IGSF8: variants seen among roughly 807,000 people sequenced by gnomAD.
IGSF8 encodes the protein CD81 partner 3.
In IGSF8, 46 loss-of-function variants were observed where a neutral mutation model predicts 55.5. The observed-to-expected ratio is 0.83, with a 90% CI of 0.65 to 1.06. The LOEUF is 1.06. Among genes scored for constraint, IGSF8 ranks in the 50% least tolerant of loss-of-function variants. IGSF8 has a pLI of 0.00. For synonymous variants in IGSF8, 314 were observed against 356.1 expected (o/e 0.88, Z 1.33); for missense variants, 731 against 832.3 (o/e 0.88, Z 1.50).
chr1:160,096,309 G>T (rs375060814), intron 1 of IGSF8, among the ~76,000 whole-genome samples: 36 of 152,254 alleles, frequency 2.4e-4, no homozygotes, highest in African/African-American at 8.2e-4. Context: ...GAAAGGTAAG[G>T]CAGGAAAAGT....
rs1288619782 is a variant in IGSF8, at chr1:160,095,770, A to G, written c.65-524T>C. On this transcript the variant is annotated intron_variant, in intron 1 of 6. Coordinates refer to ENST00000314485, the MANE Select transcript of IGSF8 (RefSeq NM_052868.6). ...AATGGAGCCAGTGACCCTAGCTGGA[A>G]AGGGCACAGGCCCAGTCAGTTCTCA... Among the ~76,000 whole-genome samples the G allele has an allele frequency of 3.9e-5, 6 of 152,224 alleles. No homozygotes were observed. In the East Asian group the frequency reaches 9.6e-4, roughly 24 times the overall value.
At position 160,098,464 on chromosome 1, in the gene IGSF8, G is replaced by A; in HGVS notation, c.9C>T (p.Ala3=). Residue 3 remains alanine (A), a synonymous_variant, in exon 1 of 7, where the codon GCC becomes GCT. Coordinates refer to ENST00000314485, the MANE Select transcript of IGSF8 (RefSeq NM_052868.6). The part of the protein sequence containing the change: MG[A]LRPTLLPPSL... ...AAGGCGGCAGCAGCGTGGGCCTGAGGGCGCCCATCCTGCGCGGCCAGCTCT... is the reference window on the plus strand; with the variant it reads ...AAGGCGGCAGCAGCGTGGGCCTGAGAGCGCCCATCCTGCGCGGCCAGCTCT... 4.5e-6 allele frequency: 7 copies of A among 1,543,490 alleles called. No homozygotes were observed. Among genetic ancestry groups the A allele is most frequent in the Non-Finnish European group, 6.1e-6 (7 of 1,144,838 alleles).
chr1:160,098,475 T>C lies in IGSF8; in HGVS notation c.-3A>G, dbSNP rs1332396007. ...AGCGTGGGCCTGAGGGCGCCCATCCTGCGCGGCCAGCTCTGGGGAGGCTCC... is the reference window on the plus strand; with the variant it reads ...AGCGTGGGCCTGAGGGCGCCCATCCCGCGCGGCCAGCTCTGGGGAGGCTCC... On this transcript the variant is annotated 5_prime_UTR_variant, in exon 1 of 7. Transcript: ENST00000314485. 2 of 1,523,288 alleles carry C rather than the reference T, an allele frequency of 1.3e-6. No individual in the cohort carries two copies. The highest frequency in any genetic ancestry group is 4.0e-5 in the Admixed American group (2 of 49,974). The allele number at this position is 1,523,288 out of a possible 1,614,324, so 94.4% of individuals were successfully genotyped here.
Position 160,091,464 on chromosome 1 carries a change from G to A in IGSF8, c.*160C>T, listed in dbSNP as rs1570950223. ...CCAGAGGGAGGGGCTTGGGAGGGAAGGAGTGGGGAAGGGGAGGCACGTCTC... is the reference window on the plus strand; with the variant it reads ...CCAGAGGGAGGGGCTTGGGAGGGAAAGAGTGGGGAAGGGGAGGCACGTCTC... On this transcript the variant is annotated 3_prime_UTR_variant, in exon 7 of 7. Transcript: ENST00000314485. The A allele has an allele frequency of 4.0e-6, 1 of 249,636 alleles. No homozygotes were observed. The highest frequency in any genetic ancestry group is 2.2e-5 in the African/African-American group (1 of 44,762). 15.5% of individuals were successfully genotyped at this position (249,636 alleles called of 1,614,324 possible). A position where few individuals can be genotyped will look rare whatever the true frequency, so the allele number is the denominator to read the frequency against.
In IGSF8 at chr1:160,092,301, T is replaced by C; in HGVS notation, c.1707A>G (p.Thr569=). ...ACTCACCATGCATGTAGGGGTAGAC[T>C]GTAACAGGCCCTGAGCGGGCACTGC... ...QAGSARSGPV[T]VYPYMHALDT... Residue 569 remains threonine, a synonymous_variant, in exon 5 of 7, where the codon ACA becomes ACG. Transcript: ENST00000314485. 6.2e-7 allele frequency: 1 copy of C among 1,614,092 alleles called. No individual in the cohort carries two copies. Among genetic ancestry groups the C allele is most frequent in the Non-Finnish European group, 8.5e-7 (1 of 1,179,940 alleles).
At chr1:160,096,318 G>C (rs573867752) in intron 1 of IGSF8, among the ~76,000 whole-genome samples, 1 of 152,310 alleles carries the variant, frequency 6.6e-6, no homozygotes, top group South Asian at 2.1e-4. Flanking sequence ...GGCAGGAAAA[G>C]TATAATATGT....
At chr1:160,093,499 C>T (rs1650166556) in intron 3 of IGSF8, among the ~76,000 whole-genome samples, 168 bp from the exon 4 acceptor site, 2 of 152,208 alleles carry the variant, frequency 1.3e-5, no homozygotes, top group Non-Finnish European at 2.9e-5. Flanking sequence ...TCTCACCCCT[C>T]AGCATGGGCC....
At chr1:160,091,769 G>A in intron 6 of IGSF8, 39 bp downstream of exon 6, 1 of 1,314,274 alleles carries the variant, frequency 7.6e-7, no homozygotes, top group South Asian at 1.2e-5. Context: ...GGGGTGGGAA[G>A]CCCAATGAAA....
At chr1:160,097,818 G>T (rs1345780032) in intron 1 of IGSF8, 5 of 985,356 alleles carry the variant, frequency 5.1e-6, no homozygotes, top group African/African-American at 1.7e-5. Flanking sequence ...CTGATGGGTG[G>T]CTGCAGAGCC....
Position 160,091,535 on chromosome 1 carries a change from CAG to C in IGSF8, c.*87_*88del. The C allele has an allele frequency of 2.4e-6, 1 of 410,160 alleles. No individual in the cohort carries two copies. The highest frequency in any genetic ancestry group is 4.5e-6 in the Non-Finnish European group (1 of 221,734). 25.4% of individuals were successfully genotyped at this position (410,160 alleles called of 1,614,324 possible). On this transcript the variant is annotated 3_prime_UTR_variant, in exon 7 of 7. Coordinates refer to ENST00000314485, the MANE Select transcript of IGSF8 (RefSeq NM_052868.6). ...TCAAATAAATTAAAGGAAGAGTGGACAGAGGGAGAGGGTGTCCAGGCAACCAG... is the reference window on the plus strand; with the variant it reads ...TCAAATAAATTAAAGGAAGAGTGGACAGGGAGAGGGTGTCCAGGCAACCAG...
intron 1 of IGSF8, among the ~76,000 whole-genome samples, chr1:160,096,156 A>C (rs1650420675): frequency 6.6e-6 from 1 of 151,562 alleles, no homozygotes; most frequent in African/African-American, 2.4e-5. Context: ...GCCCAACCCT[A>C]CCCCAGCAGA....
At chr1:160,097,245 G>A (rs562700931) in intron 1 of IGSF8, among the ~76,000 whole-genome samples, 4 of 152,092 alleles carry the variant, frequency 2.6e-5, no homozygotes, top group Non-Finnish European at 2.9e-5. Context: ...CACCTCCCTG[G>A]GCTCCTCCCT....
intron 1 of IGSF8, 42 bp from the exon 2 acceptor site, chr1:160,095,288 C>A: frequency 6.4e-7 from 1 of 1,556,724 alleles, no homozygotes; most frequent in South Asian, 1.2e-5. Flanking sequence ...CCTGGTTCCT[C>A]ATTCCATGCC....
At position 160,098,516 on chromosome 1, in the gene IGSF8, T is replaced by G. The variant is rs1570968686; in HGVS notation, c.-44A>C. On this transcript the variant is annotated 5_prime_UTR_variant, in exon 1 of 7. Transcript: ENST00000314485. ...GGGAGGCTCCGGGGGATGGCGCGGG[T>G]TCTGGGGGGCCGGAAGGGTGGGGGG... is the stretch of plus-strand genomic sequence containing the variant. 4 of 1,470,958 alleles carry G rather than the reference T, an allele frequency of 2.7e-6. No homozygotes were observed. In the East Asian group the frequency reaches 1.0e-4, roughly 38 times the overall value. The allele number at this position is 1,470,958 out of a possible 1,614,324, so 91.1% of individuals were successfully genotyped here. A position where few individuals can be genotyped will look rare whatever the true frequency, so the allele number is the denominator to read the frequency against.
chr1:160,093,399 A>G (rs1650159475), intron 3 of IGSF8, 68 bp from the exon 4 acceptor site: 11 of 1,462,242 alleles, frequency 7.5e-6, no homozygotes, highest in South Asian at 1.3e-5. Flanking sequence ...CGATTCCCCA[A>G]CTTCCTGTTT....
rs538996059 is a variant in IGSF8, at chr1:160,092,847, G to A, written c.1312+77C>T. On this transcript the variant is annotated intron_variant, in intron 4 of 6. Coordinates refer to ENST00000314485, the MANE Select transcript of IGSF8 (RefSeq NM_052868.6). ...CTGTGGCCTGCAAACAGCTGACGGA[G>A]AGGGAGGGGTCATGGAAACAGAAGG... is the stretch of plus-strand genomic sequence containing the variant. 3.1e-5 allele frequency: 47 copies of A among 1,511,622 alleles called. 1 individual carries two copies. The East Asian group carries it at 1.0e-3, about 34-fold the overall frequency. The allele number at this position is 1,511,622 out of a possible 1,614,324, so 93.6% of individuals were successfully genotyped here. A position where few individuals can be genotyped will look rare whatever the true frequency, so the allele number is the denominator to read the frequency against.
intron 5 of IGSF8, 137 bp downstream of exon 5, chr1:160,092,145 T>G (rs1249145464): frequency 2.8e-6 from 3 of 1,060,840 alleles, no homozygotes; most frequent in African/African-American, 3.1e-5. Flanking sequence ...GGCTGGAAGT[T>G]GGATTTTTTG....
chr1:160,097,664 A>G (rs1426850335), intron 1 of IGSF8: 2 of 984,488 alleles, frequency 2.0e-6, no homozygotes, highest in Non-Finnish European at 2.4e-6. Flanking sequence ...CATTATCCCC[A>G]TGCATCCATG....
chr1:160,093,080 A>T lies in IGSF8; in HGVS notation c.1156T>A (p.Ser386Thr), dbSNP rs1650108818. 6.2e-7 allele frequency: 1 copy of T among 1,613,996 alleles called. No homozygotes were observed. The highest frequency in any genetic ancestry group is 8.5e-7 in the Non-Finnish European group (1 of 1,179,960). ...GRHIAMEKVA[S>T]RTYRLRLEAA... is the part of the protein sequence containing the mutation. ...TCTAGCCGTAGCCGGTATGTTCTGG[A>T]TGCCACCTTCTCCATGGCAATGTGT... The change falls in exon 4 of 7, where the codon TCC (serine) becomes ACC (threonine). Residue 386 changes from serine to threonine, a missense_variant. Ser to Thr is a moderately conservative substitution (Grantham distance 58). Coordinates refer to ENST00000314485, the MANE Select transcript of IGSF8 (RefSeq NM_052868.6).
Sources: gnomAD v4.1 joint callset for allele counts (sites outside exome capture counted in the v4.1 genomes callset) on GRCh38, gnomAD v4.1.1 for gene constraint, MANE v1.5 for transcripts, NCBI Gene and HGNC (gene_info 2026-07-23, HGNC 2026-07-21) for gene names.